Variants in LRIG1 observed in about 807,000 individuals in gnomAD.
LRIG1 encodes leucine-rich repeats and immunoglobulin-like domains protein 1.
In LRIG1, 48 loss-of-function variants were observed where a neutral mutation model predicts 99.2. The ratio of observed to expected loss-of-function variants is 0.48; its 90% CI spans 0.38 to 0.62. The LOEUF (loss-of-function observed/expected upper bound fraction) is 0.62. LRIG1 is among the 20% of genes least tolerant of loss of function. The pLI is 0.00. For missense variants in LRIG1, 1,646 were observed against 1,434.4 expected, an observed-to-expected ratio of 1.15 and a Z score of -2.38; for synonymous variants, 772 against 596.1, an observed-to-expected ratio of 1.29 and a Z score of -4.30.
rs369456584 is a variant in LRIG1 at position 66,380,290 on chromosome 3, C to T, written c.3255G>A (p.Val1085=). ...AGCTTTTTGGTGCCAACAGCAGTGG[C>T]ACCCTCTGTTTCCCGGGGAGCTGTC... The part of the protein sequence containing the change: ...LTGQLPGKQR[V]PLLLAPKS The change falls in exon 19 of 19, where the codon GTG becomes GTA. Residue 1085 remains valine, a synonymous_variant. Transcript: ENST00000273261. 6.2e-7 allele frequency: 1 copy of T among 1,613,536 alleles called. No homozygotes were observed. Among genetic ancestry groups the T allele is most frequent in the Non-Finnish European group, 8.5e-7 (1 of 1,179,562 alleles).
chr3:66,380,902 G>A, intron 17 of LRIG1, 41 bp from the exon 18 acceptor site: 1 of 1,596,194 alleles, frequency 6.3e-7, no homozygotes, highest in South Asian at 1.1e-5. Flanking sequence ...TCACTGCTGT[G>A]GGAGTCTTCG....
chr3:66,453,850 G>A (rs1031140671), intron 2 of LRIG1, among the ~76,000 whole-genome samples: 4 of 152,190 alleles, frequency 2.6e-5, no homozygotes, highest in African/African-American at 9.7e-5. Flanking sequence ...TTCTCTGCAG[G>A]GGGCTACGCC....
intron 1 of LRIG1, among the ~76,000 whole-genome samples, chr3:66,465,752 C>T (rs1700459912): frequency 6.6e-6 from 1 of 152,040 alleles, no homozygotes; most frequent in Admixed American, 6.6e-5. Flanking sequence ...TCAGTGGCAC[C>T]GAGTACCTTC....
chr3:66,415,631 G>A (rs1409566098), intron 4 of LRIG1, among the ~76,000 whole-genome samples: 1 of 152,086 alleles, frequency 6.6e-6, no homozygotes, highest in Non-Finnish European at 1.5e-5. Flanking sequence ...GAATCCCTTC[G>A]TAAAACAAGC....
At position 66,407,461 on chromosome 3, in the gene LRIG1, C is replaced by T. The variant is rs988958250; in HGVS notation, c.966G>A (p.Leu322=). 2 of 1,614,046 alleles carry T rather than the reference C, an allele frequency of 1.2e-6. No individual in the cohort carries two copies. Among genetic ancestry groups the T allele is most frequent in the Admixed American group, 3.3e-5 (2 of 60,012 alleles). Residue 322 remains leucine, a synonymous_variant, in exon 8 of 19, where the codon CTG becomes CTA. Coordinates refer to ENST00000273261, the MANE Select transcript of LRIG1 (RefSeq NM_015541.3). The stretch of plus-strand genomic sequence containing the variant: ...TCAGCTCGGCCAGGCTCTCCTCGTC[C>T]AGCCGTGTCAGGTTGTTGAAGGACA... The part of the protein sequence containing the change: ...LVLSFNNLTR[L]DEESLAELSS...
chr3:66,452,531 T>G (rs9818858), intron 2 of LRIG1, among the ~76,000 whole-genome samples: 7,525 of 152,260 alleles, frequency 0.049, 627 homozygotes, highest in African/African-American at 0.17. Flanking sequence ...GGTGATGGGC[T>G]AGAAAGAAAT....
intron 3 of LRIG1, among the ~76,000 whole-genome samples, chr3:66,420,022 C>T (rs920472030): frequency 6.6e-6 from 1 of 152,198 alleles, no homozygotes; most frequent in East Asian, 1.9e-4. Context: ...AGGCATCCCA[C>T]GGAATAAGAG....
intron 1 of LRIG1, chr3:66,498,113 T>C (rs1701270056): frequency 6.6e-6 from 1 of 152,190 alleles, no homozygotes; most frequent in African/African-American, 2.4e-5. Context: ...AGGATAGCCA[T>C]TTTGCACTGC....
Position 66,408,913 on chromosome 3 carries a change from A to AGTGTGTGTGTGTGTGTGTGT in LRIG1, c.935+1196_935+1215dup, listed in dbSNP as rs55651719. ...GTCACCAAAATATAAACTCCAAGTC[A>AGTGTGTGTGTGTGTGTGTGT]GTGTGTGTGTGTGTGTGTGTGTGTG... is the stretch of plus-strand genomic sequence containing the variant. On this transcript the variant is annotated intron_variant, in intron 7 of 18. Coordinates refer to ENST00000273261, the MANE Select transcript of LRIG1 (RefSeq NM_015541.3). Among the ~76,000 whole-genome samples, 32 of 34,912 alleles carry AGTGTGTGTGTGTGTGTGTGT rather than the reference A, an allele frequency of 9.2e-4. 7 individuals are homozygous for AGTGTGTGTGTGTGTGTGTGT. The East Asian group carries it at 0.023, about 25-fold the overall frequency. 22.9% of individuals were successfully genotyped at this position (34,912 alleles called of 152,430 possible). A position where few individuals can be genotyped will look rare whatever the true frequency, so the allele number is the denominator to read the frequency against.
At chr3:66,407,250 G>A (rs1702301460) in intron 8 of LRIG1, 98 bp downstream of exon 8, 5 of 1,340,146 alleles carry the variant, frequency 3.7e-6, no homozygotes, top group African/African-American at 2.9e-5. Context: ...ATTCTGACTC[G>A]AAGCCAACGC....
Position 66,394,903 on chromosome 3 carries a change from T to C in LRIG1, c.1305-700A>G, listed in dbSNP as rs888728450. Among the ~76,000 whole-genome samples, 11 of 152,242 alleles carry C rather than the reference T, an allele frequency of 7.2e-5. No individual in the cohort carries two copies. In the South Asian group the frequency reaches 8.3e-4, roughly 11 times the overall value. ...TCCCTAAATAGTGCTTGTTAGTTAA[T>C]TGCCACTGCCCAGGGAGCATGAGAA... On this transcript the variant is annotated intron_variant, in intron 11 of 18. Coordinates refer to ENST00000273261, the MANE Select transcript of LRIG1 (RefSeq NM_015541.3).
At chr3:66,382,198 A>AG in intron 16 of LRIG1, 75 bp downstream of exon 16, 1 of 1,575,084 alleles carries the variant, frequency 6.3e-7, no homozygotes, top group Non-Finnish European at 8.7e-7. Flanking sequence ...TGCCCTGTAA[A>AG]GACCTGGAGG....
chr3:66,440,356 T>G (rs1703501625), intron 3 of LRIG1, among the ~76,000 whole-genome samples: 1 of 152,126 alleles, frequency 6.6e-6, no homozygotes, highest in South Asian at 2.1e-4. Flanking sequence ...GCCTAGCACT[T>G]TGCTGCTTGC....
At chr3:66,420,323 G>A (rs1162990285) in intron 3 of LRIG1, among the ~76,000 whole-genome samples, 1 of 152,218 alleles carries the variant, frequency 6.6e-6, no homozygotes, top group Non-Finnish European at 1.5e-5. Flanking sequence ...ACAAGTGTGG[G>A]TGAGGATGTG....
intron 4 of LRIG1, among the ~76,000 whole-genome samples, chr3:66,416,828 G>A (rs960481008): frequency 2.0e-5 from 3 of 152,240 alleles, no homozygotes; most frequent in Non-Finnish European, 2.9e-5. Context: ...CAGGCTTTGT[G>A]GTCAAGATCG....
intron 15 of LRIG1, among the ~76,000 whole-genome samples, chr3:66,382,761 AGTT>A (rs1701156709): frequency 6.6e-6 from 1 of 152,230 alleles, no homozygotes; most frequent in South Asian, 2.1e-4. Flanking sequence ...ATGGTGCGTC[AGTT>A]ACTTGTATTT....
At chr3:66,405,953 G>A in intron 8 of LRIG1, 3 of 997,316 alleles carry the variant, frequency 3.0e-6, no homozygotes, top group Non-Finnish European at 1.2e-6. Context: ...CAGCTTCCAG[G>A]AGCAGGTCAC....
intron 3 of LRIG1, among the ~76,000 whole-genome samples, chr3:66,444,890 C>T (rs1575697154): frequency 1.3e-5 from 2 of 151,666 alleles, no homozygotes; most frequent in Admixed American, 6.6e-5. Flanking sequence ...TATATATACA[C>T]ACACACATAT....
intron 13 of LRIG1, 62 bp from the exon 14 acceptor site, chr3:66,384,334 C>A: frequency 1.3e-6 from 2 of 1,522,140 alleles, no homozygotes; most frequent in Non-Finnish European, 1.8e-6. Context: ...CCAGGAAGTC[C>A]TCTGGCAAAC....
Sources: allele counts gnomAD v4.1 joint callset (sites outside exome capture counted in the v4.1 genomes callset), GRCh38; gene constraint gnomAD v4.1.1; transcripts MANE v1.5; gene names NCBI Gene and HGNC (gene_info 2026-07-23, HGNC 2026-07-21).